The following NAALADL2 variants were observed in gnomAD, a reference collection of about 807,000 sequenced individuals.
The protein encoded by NAALADL2 is inactive N-acetylated-alpha-linked acidic dipeptidase-like protein 2.
A neutral mutation model predicts 87.2 loss-of-function variants in NAALADL2; 76 were observed. That is an observed-to-expected ratio of 0.87 (90% CI 0.72 to 1.05). The LOEUF is 1.05. Among genes scored for constraint, NAALADL2 ranks in the 50% least tolerant of loss-of-function variants. The probability of loss-of-function intolerance (pLI) is 0.00; values close to 1 mark genes in which losing one functional copy is unlikely to be tolerated. For synonymous variants in NAALADL2, 354 were observed against 331.0 expected (o/e 1.07, Z -0.75); for missense variants, 1,089 against 945.8 (o/e 1.15, Z -1.99).
At chr3:174,602,129 G>C (rs941306504) in intron 2 of NAALADL2, among the ~76,000 whole-genome samples, 17 of 151,878 alleles carry the variant, frequency 1.1e-4, no homozygotes, top group African/African-American at 1.7e-4. Flanking sequence ...ATAAATTTAA[G>C]GATTGTTTTA....
chr3:174,960,194 G>A (rs530337036), intron 1 of NAALADL2, among the ~76,000 whole-genome samples: 1 of 151,972 alleles, frequency 6.6e-6, no homozygotes, highest in African/African-American at 2.4e-5. Flanking sequence ...ACTTTAATAA[G>A]GTGCTAAACT....
chr3:174,921,048 A>G (rs371175329), intron 1 of NAALADL2, among the ~76,000 whole-genome samples: 2 of 152,332 alleles, frequency 1.3e-5, no homozygotes, highest in East Asian at 3.9e-4. Flanking sequence ...CTGATTACAG[A>G]TCACAATAAC....
At chr3:175,234,650 C>T (rs1331957867) in intron 3 of NAALADL2, among the ~76,000 whole-genome samples, 1 of 151,940 alleles carries the variant, frequency 6.6e-6, no homozygotes, top group African/African-American at 2.4e-5. Context: ...CCCCTACTTT[C>T]ATGATGGAAA....
intron 3 of NAALADL2, among the ~76,000 whole-genome samples, chr3:174,808,534 C>A (rs1285045944): frequency 6.6e-6 from 1 of 152,008 alleles, no homozygotes; most frequent in Admixed American, 6.6e-5. Context: ...AAAATGCTGC[C>A]AAAAAGTCAA....
intron 3 of NAALADL2, among the ~76,000 whole-genome samples, chr3:175,255,044 T>G (rs1419954271): frequency 6.6e-6 from 1 of 152,186 alleles, no homozygotes; most frequent in Admixed American, 6.5e-5. Flanking sequence ...GGAATTTCCC[T>G]GTATTGGAAA....
chr3:174,687,905 A>G (rs1344846833), intron 2 of NAALADL2, among the ~76,000 whole-genome samples: 4 of 152,070 alleles, frequency 2.6e-5, no homozygotes, highest in African/African-American at 9.7e-5. Context: ...CTGCCACCAT[A>G]TAAGACGTGC....
At chr3:175,625,682 GC>G (rs1726886325) in intron 10 of NAALADL2, among the ~76,000 whole-genome samples, 1 of 151,900 alleles carries the variant, frequency 6.6e-6, no homozygotes, top group African/African-American at 2.4e-5. Context: ...GAAAGTGTCG[GC>G]CGTAGCCTCA....
rs191928362 is a variant in NAALADL2 at position 174,554,303 on chromosome 3, T to C, written c.-115+3666T>C. Reference sequence around the variant, plus strand: ...TAAAGGTAGTAATAGATCATGAATATTTTTCAATATTATTAAATATTCATT... The same window carrying C: ...TAAAGGTAGTAATAGATCATGAATACTTTTCAATATTATTAAATATTCATT... On this transcript the variant is annotated intron_variant, in intron 2 of 3. Coordinates refer to the NAALADL2 transcript ENST00000434257. 3.1e-3 allele frequency among the ~76,000 whole-genome samples: 470 copies of C among 152,272 alleles called. 5 individuals are homozygous for C. The highest frequency in any genetic ancestry group is 0.025 in the Admixed American group (380 of 15,292).
At chr3:175,196,402 T>C (rs1190614944) in intron 2 of NAALADL2, among the ~76,000 whole-genome samples, 2 of 151,896 alleles carry the variant, frequency 1.3e-5, no homozygotes, top group African/African-American at 4.8e-5. Context: ...TAGGAAGATA[T>C]CCTTTCTCCA....
intron 2 of NAALADL2, among the ~76,000 whole-genome samples, chr3:175,147,250 G>A (rs114022909): frequency 2.8e-3 from 426 of 152,058 alleles, no homozygotes; most frequent in African/African-American, 9.3e-3. Context: ...TTTGCTCCCC[G>A]TTCTAGCACT....
intron 9 of NAALADL2, among the ~76,000 whole-genome samples, chr3:175,511,163 C>T (rs749005439): frequency 2.0e-5 from 3 of 152,148 alleles, no homozygotes; most frequent in Non-Finnish European, 4.4e-5. Context: ...CTGCAGTGGT[C>T]GTTCCTAGAT....
At chr3:174,921,390 T>C (rs935982666) in intron 1 of NAALADL2, among the ~76,000 whole-genome samples, 4 of 152,236 alleles carry the variant, frequency 2.6e-5, no homozygotes, top group African/African-American at 9.6e-5. Context: ...TATATGATTA[T>C]GTAATCTTTT....
Position 175,299,361 on chromosome 3 carries a change from A to G in NAALADL2, c.940-24814A>G, listed in dbSNP as rs368429278. Among the ~76,000 whole-genome samples the G allele has an allele frequency of 3.4e-3, 517 of 152,232 alleles. 1 individual carries two copies. The highest frequency in any genetic ancestry group is 0.012 in the African/African-American group (481 of 41,532). ...TGGTAGCTTGATGGGGATAGCATTC[A>G]ATCTGTAAATTACTTTGGCCAGTAT... On this transcript the variant is annotated intron_variant, in intron 4 of 13. Transcript: ENST00000454872.
intron 2 of NAALADL2, among the ~76,000 whole-genome samples, chr3:174,664,308 C>T (rs1488579047): frequency 6.6e-6 from 1 of 152,180 alleles, no homozygotes; most frequent in Middle Eastern, 3.2e-3. Flanking sequence ...CCTTCTATTA[C>T]ATATTCTTTT....
chr3:175,123,770 A>G (rs1340638924), intron 2 of NAALADL2, among the ~76,000 whole-genome samples: 3 of 151,980 alleles, frequency 2.0e-5, no homozygotes, highest in Admixed American at 6.6e-5. Flanking sequence ...CCAATCTTCT[A>G]TAAAACACAA....
intron 10 of NAALADL2, among the ~76,000 whole-genome samples, chr3:175,585,985 T>G (rs1000130939): frequency 3.9e-5 from 6 of 152,166 alleles, no homozygotes; most frequent in Non-Finnish European, 8.8e-5. Context: ...TTTAGATGAT[T>G]TTTTTAAAAA....
chr3:174,648,317 C>T (rs528128952), intron 2 of NAALADL2, among the ~76,000 whole-genome samples: 76 of 150,622 alleles, frequency 5.0e-4, no homozygotes, highest in Non-Finnish European at 1.0e-3. Flanking sequence ...GAGTGAAACT[C>T]TGCCTCAACA....
At chr3:175,779,047 G>C (rs959149886) in intron 13 of NAALADL2, among the ~76,000 whole-genome samples, 14 of 152,176 alleles carry the variant, frequency 9.2e-5, no homozygotes, top group African/African-American at 3.1e-4. Context: ...GTGGAAAAGC[G>C]GCAAGACAGA....
chr3:174,916,518 T>C (rs373948472), intron 1 of NAALADL2, among the ~76,000 whole-genome samples: 1 of 152,082 alleles, frequency 6.6e-6, no homozygotes, highest in African/African-American at 2.4e-5. Flanking sequence ...ATATACACCA[T>C]GGAATACTAT....
Sources: gnomAD v4.1 joint callset for allele counts (sites outside exome capture counted in the v4.1 genomes callset) on GRCh38, gnomAD v4.1.1 for gene constraint, MANE v1.5 for transcripts, NCBI Gene and HGNC (gene_info 2026-07-23, HGNC 2026-07-21) for gene names.